BCKDHB: variants seen among roughly 807,000 people sequenced by gnomAD.
The protein encoded by BCKDHB is branched chain keto acid dehydrogenase E1 subunit beta.
In BCKDHB, 41 loss-of-function variants were observed where a neutral mutation model predicts 48.5. That is an observed-to-expected ratio of 0.85 (90% CI 0.66 to 1.10). The LOEUF (loss-of-function observed/expected upper bound fraction) is 1.10, where lower values mean the gene tolerates loss of function less well. Ranked by LOEUF, BCKDHB falls within the 50% of genes least tolerant of loss-of-function variation. BCKDHB has a pLI of 0.00. For missense variants in BCKDHB, 496 were observed against 494.2 expected, an observed-to-expected ratio of 1.00 and a Z score of -0.03; for synonymous variants, 201 against 174.8, an observed-to-expected ratio of 1.15 and a Z score of -1.18.
Position 80,163,339 on chromosome 6 carries a change from A to G in BCKDHB, c.344-4339A>G, listed in dbSNP as rs145735017. On this transcript the variant is annotated intron_variant, in intron 3 of 9. Coordinates refer to ENST00000320393, the MANE Select transcript of BCKDHB (RefSeq NM_183050.4). Reference sequence around the variant, plus strand: ...TTTTTTTTTTTTTCTCTTCTCTCCTACTTTGCAGAAACGGTCATGTTAAGG... The same window carrying G: ...TTTTTTTTTTTTTCTCTTCTCTCCTGCTTTGCAGAAACGGTCATGTTAAGG... Among the ~76,000 whole-genome samples the G allele has an allele frequency of 3.7e-3, 515 of 139,756 alleles. 3 individuals are homozygous for G. Among genetic ancestry groups the G allele is most frequent in the African/African-American group, 0.013 (481 of 37,254 alleles). The allele number at this position is 139,756 out of a possible 152,430, so 91.7% of individuals were successfully genotyped here. A position where few individuals can be genotyped will look rare whatever the true frequency, so the allele number is the denominator to read the frequency against.
chr6:80,183,597 A>G (rs1280062835), intron 6 of BCKDHB, among the ~76,000 whole-genome samples: 1 of 152,088 alleles, frequency 6.6e-6, no homozygotes, highest in Non-Finnish European at 1.5e-5. Context: ...ATGTTAACAC[A>G]TTGTCATCAC....
chr6:80,252,717 A>G (rs1776883290), intron 8 of BCKDHB, among the ~76,000 whole-genome samples: 1 of 152,212 alleles, frequency 6.6e-6, no homozygotes, highest in South Asian at 2.1e-4. Flanking sequence ...TAACATTGAA[A>G]TTTTTACAAA....
At chr6:80,179,827 T>G (rs1773329501) in intron 6 of BCKDHB, among the ~76,000 whole-genome samples, 1 of 152,188 alleles carries the variant, frequency 6.6e-6, no homozygotes, top group South Asian at 2.1e-4. Context: ...TAATCATTAG[T>G]CATTAAGGGA....
chr6:80,130,436 G>C (rs1313135954), intron 3 of BCKDHB, among the ~76,000 whole-genome samples: 1 of 151,990 alleles, frequency 6.6e-6, no homozygotes, highest in Non-Finnish European at 1.5e-5. Flanking sequence ...ACCCATACAT[G>C]TTCCATCTCA....
chr6:80,466,277 CTA>C, the BCKDHB span, among the ~76,000 whole-genome samples: 1 of 152,088 alleles, frequency 6.6e-6, no homozygotes, highest in Non-Finnish European at 1.5e-5. Context: ...GTTACACTTT[CTA>C]TTTCTCTTAT....
the BCKDHB span, among the ~76,000 whole-genome samples, chr6:80,380,991 G>A: frequency 6.6e-6 from 1 of 151,818 alleles, no homozygotes; most frequent in Admixed American, 6.6e-5. Context: ...GTGAAGAGAG[G>A]GGATTTTAAT....
At chr6:80,153,478 C>T (rs1017703531) in intron 3 of BCKDHB, among the ~76,000 whole-genome samples, 1 of 152,056 alleles carries the variant, frequency 6.6e-6, no homozygotes, top group Non-Finnish European at 1.5e-5. Flanking sequence ...CAGTACATGC[C>T]TAGTGAGATC....
chr6:80,263,756 G>A (rs548106944), intron 8 of BCKDHB, among the ~76,000 whole-genome samples: 11 of 152,246 alleles, frequency 7.2e-5, no homozygotes, highest in South Asian at 2.1e-4. Context: ...CCCTTGATAC[G>A]TGCTTAAAAC....
At chr6:80,199,017 G>A (rs1161198206) in intron 6 of BCKDHB, among the ~76,000 whole-genome samples, 1 of 152,100 alleles carries the variant, frequency 6.6e-6, no homozygotes, top group African/African-American at 2.4e-5. Context: ...TCCACTGTTA[G>A]CAGTATTCCA....
At chr6:80,294,187 G>T in intron 9 of BCKDHB, among the ~76,000 whole-genome samples, 1 of 152,138 alleles carries the variant, frequency 6.6e-6, no homozygotes, top group East Asian at 1.9e-4. Context: ...CTGCGGCAGA[G>T]GAACATAAAT....
Position 80,334,175 on chromosome 6 carries a change from C to G in BCKDHB, c.1039-9489C>G, listed in dbSNP as rs528247196. Among the ~76,000 whole-genome samples the G allele has an allele frequency of 7.2e-5, 11 of 152,100 alleles. No homozygotes were observed. The East Asian group carries it at 2.1e-3, about 29-fold the overall frequency. On this transcript the variant is annotated intron_variant, in intron 9 of 9. Coordinates refer to ENST00000320393, the MANE Select transcript of BCKDHB (RefSeq NM_183050.4). Reference sequence around the variant, plus strand: ...ATACTAACCAAATTTAAAGTTGAACCATAGGGTAAATATAGTAGAAAAGTA... The same window carrying G: ...ATACTAACCAAATTTAAAGTTGAACGATAGGGTAAATATAGTAGAAAAGTA...
chr6:80,403,918 G>C, the BCKDHB span, among the ~76,000 whole-genome samples: 1 of 151,880 alleles, frequency 6.6e-6, no homozygotes, highest in Non-Finnish European at 1.5e-5. Flanking sequence ...TGCATCTGGG[G>C]GATAAATGCC....
At chr6:80,413,260 A>G in the BCKDHB span, among the ~76,000 whole-genome samples, 1 of 152,142 alleles carries the variant, frequency 6.6e-6, no homozygotes, top group Non-Finnish European at 1.5e-5. Context: ...AAGTTAATAA[A>G]TTTAAGCTCA....
chr6:80,180,023 G>A (rs1387468128), intron 6 of BCKDHB, among the ~76,000 whole-genome samples: 1 of 152,110 alleles, frequency 6.6e-6, no homozygotes, highest in East Asian at 1.9e-4. Context: ...CTGGGCCTGT[G>A]CTCATAAACT....
the BCKDHB span, among the ~76,000 whole-genome samples, chr6:80,393,683 G>C: frequency 6.6e-6 from 1 of 152,160 alleles, no homozygotes; most frequent in Non-Finnish European, 1.5e-5. Flanking sequence ...CACATACTCT[G>C]ATCAGGACTG....
At chr6:80,191,219 G>A (rs1189811095) in intron 6 of BCKDHB, among the ~76,000 whole-genome samples, 2 of 152,170 alleles carry the variant, frequency 1.3e-5, no homozygotes, top group Admixed American at 1.3e-4. Flanking sequence ...GTCATTTAAT[G>A]TTAGATATGC....
the BCKDHB span, among the ~76,000 whole-genome samples, chr6:80,399,491 A>T: frequency 6.6e-6 from 1 of 152,160 alleles, no homozygotes; most frequent in South Asian, 2.1e-4. Flanking sequence ...ATGCAATCCT[A>T]TTCACAATTG....
chr6:80,189,068 C>T (rs1482809998), intron 6 of BCKDHB, among the ~76,000 whole-genome samples: 4 of 152,110 alleles, frequency 2.6e-5, no homozygotes, highest in Non-Finnish European at 5.9e-5. Context: ...ACAGGCCATT[C>T]CTAATGTGTT....
intron 9 of BCKDHB, among the ~76,000 whole-genome samples, chr6:80,298,135 C>CA (rs1328217679): frequency 6.6e-6 from 1 of 151,846 alleles, no homozygotes. Context: ...TTTTCCTAGA[C>CA]AGAGTCTCAC....
Sources: allele counts gnomAD v4.1 joint callset (sites outside exome capture counted in the v4.1 genomes callset), GRCh38; gene constraint gnomAD v4.1.1; transcripts MANE v1.5; gene names NCBI Gene and HGNC (gene_info 2026-07-23, HGNC 2026-07-21).